Variants in LARGE1 observed in about 807,000 individuals in gnomAD.
The protein encoded by LARGE1 is xylosyl- and glucuronyltransferase LARGE1.
Under a neutral mutation model 87.6 loss-of-function variants are expected in LARGE1, and 43 were observed. The ratio of observed to expected loss-of-function variants is 0.49; its 90% CI spans 0.38 to 0.63. LARGE1 has a LOEUF of 0.63. LARGE1 is among the 30% of genes least tolerant of loss of function. The pLI is 0.00. For synonymous variants in LARGE1, 434 were observed against 394.6 expected (o/e 1.10, Z -1.18); for missense variants, 802 against 1,000.2 (o/e 0.80, Z 2.67).
rs375115389 is a variant in LARGE1, at chr22:33,339,008, C to T, written c.1132-1207G>A. On this transcript the variant is annotated intron_variant, in intron 9 of 14. Coordinates refer to ENST00000397394, the MANE Select transcript of LARGE1 (RefSeq NM_133642.5). The stretch of plus-strand genomic sequence containing the variant: ...ACCAAAAATATAAAAATTAGCTGGG[C>T]GTGGTGGCAGGTGCTTGTAATCCCA... 9.5e-4 allele frequency among the ~76,000 whole-genome samples: 144 copies of T among 151,942 alleles called. No individual in the cohort carries two copies. The South Asian group carries it at 0.026, about 28-fold the overall frequency.
intron 11 of LARGE1, among the ~76,000 whole-genome samples, chr22:33,305,917 C>T (rs1934835546): frequency 6.6e-6 from 1 of 150,548 alleles, no homozygotes; most frequent in South Asian, 2.1e-4. Flanking sequence ...CAGCTCACTG[C>T]AAGCTCCGCC....
chr22:33,316,148 T>C lies in LARGE1; in HGVS notation c.1388A>G (p.Tyr463Cys), dbSNP rs543626511. ...GCTGTCTGCTGCAGGCTCATACTCGTAGTGCAGGAAGTACAGGTGGGTGCG... is the reference window on the plus strand; with the variant it reads ...GCTGTCTGCTGCAGGCTCATACTCGCAGTGCAGGAAGTACAGGTGGGTGCG... ...VHRTHLYFLH[Y>C]EYEPAADSTD... is the part of the protein sequence containing the mutation. The change falls in exon 11 of 15, where the codon TAC (tyrosine) becomes TGC (cysteine). Residue 463 changes from tyrosine to cysteine, a missense_variant. Around this residue, in one of 2 missense-constraint regions of LARGE1, gnomAD observed 625 missense variants for 841.9 expected, o/e 0.74. Transcript: ENST00000397394. The C allele has an allele frequency of 6.2e-7, 1 of 1,614,094 alleles. No individual in the cohort carries two copies. The highest frequency in any genetic ancestry group is 1.7e-5 in the Admixed American group (1 of 60,022).
intron 11 of LARGE1, among the ~76,000 whole-genome samples, chr22:33,264,140 C>A (rs1163780912): frequency 2.0e-5 from 3 of 152,168 alleles, no homozygotes. Flanking sequence ...CACAGAAGAT[C>A]AACTCCTTCA....
chr22:33,181,165 A>G (rs1923139316), intron 11 of LARGE1, among the ~76,000 whole-genome samples: 2 of 152,214 alleles, frequency 1.3e-5, no homozygotes, highest in Admixed American at 1.3e-4. Context: ...TTTACAGTAG[A>G]ATGTAAAACT....
At chr22:33,301,362 G>A (rs1455875002) in intron 12 of LARGE1, among the ~76,000 whole-genome samples, 1 of 152,076 alleles carries the variant, frequency 6.6e-6, no homozygotes, top group Non-Finnish European at 1.5e-5. Context: ...GTTTGGGGTG[G>A]GGGTGTGAGG....
the LARGE1 span, among the ~76,000 whole-genome samples, chr22:33,122,573 G>T: frequency 6.6e-6 from 1 of 152,036 alleles, no homozygotes; most frequent in South Asian, 2.1e-4. Flanking sequence ...TGGTCAGGCT[G>T]GTCTTGAACT....
At chr22:33,766,700 C>A (rs1248551763) in intron 1 of LARGE1, among the ~76,000 whole-genome samples, 3 of 152,016 alleles carry the variant, frequency 2.0e-5, no homozygotes, top group Middle Eastern at 3.4e-3. Flanking sequence ...GCTGGGATTA[C>A]AAGCATGAGC....
chr22:33,206,130 G>A (rs1211159595), intron 11 of LARGE1, among the ~76,000 whole-genome samples: 1 of 152,004 alleles, frequency 6.6e-6, no homozygotes, highest in Non-Finnish European at 1.5e-5. Flanking sequence ...AATTTTTTGT[G>A]TATTTTTAGT....
chr22:33,426,924 C>T (rs1356970594), intron 7 of LARGE1, among the ~76,000 whole-genome samples: 1 of 152,218 alleles, frequency 6.6e-6, no homozygotes, highest in African/African-American at 2.4e-5. Context: ...CCTTTGGGGT[C>T]CCATGCAAAT....
chr22:33,493,493 G>A (rs1311041283), intron 6 of LARGE1, among the ~76,000 whole-genome samples: 2 of 152,068 alleles, frequency 1.3e-5, no homozygotes, highest in Admixed American at 6.5e-5. Context: ...GTCTACATCT[G>A]ACATTTGTGG....
At chr22:33,730,569 G>C (rs1036178289) in intron 2 of LARGE1, among the ~76,000 whole-genome samples, 2 of 152,064 alleles carry the variant, frequency 1.3e-5, no homozygotes, top group African/African-American at 4.8e-5. Flanking sequence ...GTTGTTTAAG[G>C]GTCAACTGTA....
chr22:33,759,017 A>G (rs566985451), intron 2 of LARGE1, among the ~76,000 whole-genome samples: 1 of 152,158 alleles, frequency 6.6e-6, no homozygotes. Context: ...AAAGGAAAAA[A>G]TCCTCTTTCT....
rs151063697 is a variant in LARGE1, at chr22:33,221,378, G to A, written c.1731-54546C>T. Among the ~76,000 whole-genome samples, 745 of 152,270 alleles carry A rather than the reference G, an allele frequency of 4.9e-3. 10 individuals carry two copies. Among genetic ancestry groups the A allele is most frequent in the African/African-American group, 0.016 (682 of 41,558 alleles). On this transcript the variant is annotated intron_variant, in intron 11 of 11. Transcript: ENST00000608642. ...ATTCTTCTGCAAGGGACCACCTGCT[G>A]AGTAAAGGTTGGGACATAGTTTTAA...
At chr22:33,504,139 G>A (rs991969874) in intron 6 of LARGE1, among the ~76,000 whole-genome samples, 4 of 152,194 alleles carry the variant, frequency 2.6e-5, no homozygotes, top group African/African-American at 7.2e-5. Flanking sequence ...AATGAGGACT[G>A]GCTGCTAATG....
chr22:33,695,889 T>C (rs1221422092), intron 2 of LARGE1, among the ~76,000 whole-genome samples: 1 of 152,224 alleles, frequency 6.6e-6, no homozygotes, highest in Non-Finnish European at 1.5e-5. Flanking sequence ...TGACAATATC[T>C]GCATCCTCCC....
chr22:33,379,347 T>C (rs890582158), intron 9 of LARGE1, among the ~76,000 whole-genome samples: 2 of 151,974 alleles, frequency 1.3e-5, no homozygotes, highest in African/African-American at 4.8e-5. Context: ...ATGTGCCATG[T>C]TGGTGTGCTG....
At chr22:33,113,964 G>T in the LARGE1 span, among the ~76,000 whole-genome samples, 8 of 150,982 alleles carry the variant, frequency 5.3e-5, no homozygotes, top group Non-Finnish European at 1.2e-4. Context: ...TCCGCCTCCC[G>T]GGTTCACGCC....
At chr22:33,451,805 C>T (rs2067941597) in intron 6 of LARGE1, among the ~76,000 whole-genome samples, 2 of 152,160 alleles carry the variant, frequency 1.3e-5, no homozygotes, top group African/African-American at 4.8e-5. Flanking sequence ...GATCCACCCG[C>T]CTCGGCCTCC....
In LARGE1 at chr22:33,368,813, T is replaced by A. The variant is rs563286276; in HGVS notation, c.1131+13106A>T. 7.2e-5 allele frequency among the ~76,000 whole-genome samples: 11 copies of A among 152,316 alleles called. No individual in the cohort carries two copies. In the East Asian group the frequency reaches 1.9e-3, roughly 27 times the overall value. On this transcript the variant is annotated intron_variant, in intron 9 of 14. Transcript: ENST00000397394. ...ATGTTTAAACTACACTGTACTCTGT[T>A]AAGTGTACAACAGCATTATGTCTAA...
Sources: allele counts gnomAD v4.1 joint callset (sites outside exome capture counted in the v4.1 genomes callset), GRCh38; gene constraint gnomAD v4.1.1; regional missense constraint gnomAD v4.1.1; transcripts MANE v1.5; gene names NCBI Gene and HGNC (gene_info 2026-07-23, HGNC 2026-07-21).